Variants in ST8SIA2 observed in about 807,000 individuals in gnomAD.
ST8SIA2 encodes ST8 alpha-N-acetyl-neuraminide alpha-2,8-sialyltransferase 2.
Under a neutral mutation model 37.6 loss-of-function variants are expected in ST8SIA2, and 22 were observed. The ratio of observed to expected loss-of-function variants is 0.58; its 90% CI spans 0.42 to 0.83. The LOEUF (loss-of-function observed/expected upper bound fraction) is 0.83, where lower values mean the gene tolerates loss of function less well. Ranked by LOEUF, ST8SIA2 falls within the 40% of genes least tolerant of loss-of-function variation. ST8SIA2 has a pLI of 0.00. For synonymous variants in ST8SIA2, 205 were observed against 201.2 expected (o/e 1.02, Z -0.16); for missense variants, 382 against 484.7 (o/e 0.79, Z 1.99).
chr15:92,438,652 C>A, intron 4 of ST8SIA2, 42 bp downstream of exon 4: 1 of 1,549,424 alleles, frequency 6.5e-7, no homozygotes. Flanking sequence ...GAGCGGCGGG[C>A]AGGCTGTGTT....
intron 4 of ST8SIA2, among the ~76,000 whole-genome samples, chr15:92,439,958 G>T (rs1311689211): frequency 6.6e-6 from 1 of 152,000 alleles, no homozygotes; most frequent in African/African-American, 2.4e-5. Context: ...AGGCGGGGGG[G>T]TGGCTGTCTG....
chr15:92,423,551 C>T (rs1314263285), intron 1 of ST8SIA2, among the ~76,000 whole-genome samples: 14 of 152,246 alleles, frequency 9.2e-5, no homozygotes, highest in Non-Finnish European at 1.5e-5. Flanking sequence ...AAGAGCAAGG[C>T]ACCAGCAGGG....
At chr15:92,435,493 T>C (rs1596241627) in intron 3 of ST8SIA2, among the ~76,000 whole-genome samples, 1 of 151,850 alleles carries the variant, frequency 6.6e-6, no homozygotes, top group South Asian at 2.1e-4. Flanking sequence ...TTGATGACCA[T>C]CCCAGGCCAT....
chr15:92,448,669 C>T (rs1212989134), intron 5 of ST8SIA2, among the ~76,000 whole-genome samples: 1 of 152,160 alleles, frequency 6.6e-6, no homozygotes, highest in Non-Finnish European at 1.5e-5. Flanking sequence ...GCAGCTGCCA[C>T]CTGCCACTTG....
At chr15:92,448,181 C>T (rs536294604) in intron 5 of ST8SIA2, among the ~76,000 whole-genome samples, 1 of 152,284 alleles carries the variant, frequency 6.6e-6, no homozygotes, top group Non-Finnish European at 1.5e-5. Flanking sequence ...AGCTGCAGGA[C>T]CACCCCAGGA....
intron 5 of ST8SIA2, among the ~76,000 whole-genome samples, chr15:92,446,292 C>A (rs1472993478): frequency 6.6e-6 from 1 of 152,180 alleles, no homozygotes; most frequent in African/African-American, 2.4e-5. Context: ...AGCATAGTAG[C>A]CTTAGAGTGG....
At chr15:92,464,020 A>T (rs2049974259) in intron 5 of ST8SIA2, 80 bp from the exon 6 acceptor site, 18 of 1,502,488 alleles carry the variant, frequency 1.2e-5, no homozygotes, top group Non-Finnish European at 1.6e-5. Context: ...GCTGGGCAGG[A>T]TAAAATTTTT....
intron 1 of ST8SIA2, among the ~76,000 whole-genome samples, chr15:92,408,512 G>T (rs946868971): frequency 2.6e-5 from 4 of 152,200 alleles, no homozygotes; most frequent in Admixed American, 6.5e-5. Flanking sequence ...AGGGATGAAG[G>T]GGAGGGAGTA....
rs1287681608 is a variant in ST8SIA2, at chr15:92,394,053, C to A, written c.-12C>A. ...GCCGGCCCGCGTGGGTCCCGGCGGG[C>A]GCGAACCCACCATGCAGCTGCAGTT... On this transcript the variant is annotated 5_prime_UTR_variant, in exon 1 of 6. Coordinates refer to ENST00000268164, the MANE Select transcript of ST8SIA2 (RefSeq NM_006011.4). 1.3e-6 allele frequency: 2 copies of A among 1,546,332 alleles called. No homozygotes were observed. Among genetic ancestry groups the A allele is most frequent in the Non-Finnish European group, 1.7e-6 (2 of 1,144,342 alleles).
At chr15:92,400,945 C>T (rs373444057) in intron 1 of ST8SIA2, among the ~76,000 whole-genome samples, 4 of 152,302 alleles carry the variant, frequency 2.6e-5, no homozygotes, top group South Asian at 4.1e-4. Flanking sequence ...CGGGATGTGT[C>T]ATCTCAAAGA....
At chr15:92,452,744 G>A (rs914447785) in intron 5 of ST8SIA2, among the ~76,000 whole-genome samples, 4 of 152,132 alleles carry the variant, frequency 2.6e-5, no homozygotes, top group African/African-American at 4.8e-5. Flanking sequence ...GCAACTTGAC[G>A]GACAGTTTAG....
intron 5 of ST8SIA2, among the ~76,000 whole-genome samples, chr15:92,456,969 A>C (rs1247828236): frequency 6.6e-6 from 1 of 152,224 alleles, no homozygotes; most frequent in Non-Finnish European, 1.5e-5. Flanking sequence ...TCTAAGACGA[A>C]GTCCTCAGCT....
At chr15:92,453,480 T>G (rs2049897836) in intron 5 of ST8SIA2, among the ~76,000 whole-genome samples, 1 of 152,214 alleles carries the variant, frequency 6.6e-6, no homozygotes, top group Non-Finnish European at 1.5e-5. Context: ...TAGGTTCAAA[T>G]CATGTATACA....
intron 1 of ST8SIA2, among the ~76,000 whole-genome samples, chr15:92,412,072 A>G (rs1040409951): frequency 5.9e-5 from 9 of 152,152 alleles, no homozygotes; most frequent in African/African-American, 2.2e-4. Context: ...GTGGCATTTG[A>G]GAGATACCTC....
At chr15:92,411,331 G>A (rs375079949) in intron 1 of ST8SIA2, among the ~76,000 whole-genome samples, 22 of 152,208 alleles carry the variant, frequency 1.4e-4, no homozygotes, top group African/African-American at 4.8e-4. Flanking sequence ...GCAGGTGCCG[G>A]GAAGACCACC....
rs575415315 is a variant in ST8SIA2, at chr15:92,438,240, G to A, written c.291-113G>A. The A allele has an allele frequency of 5.5e-5, 81 of 1,467,082 alleles. 1 individual carries two copies. Among genetic ancestry groups the A allele is most frequent in the Middle Eastern group, 5.2e-4 (3 of 5,800 alleles). The allele number at this position is 1,467,082 out of a possible 1,614,324, so 90.9% of individuals were successfully genotyped here. ...CATCTGAACTCTCATCATACTCTGCGTGTTTGCTGGGCTGCAGCCACCGTG... is the reference window on the plus strand; with the variant it reads ...CATCTGAACTCTCATCATACTCTGCATGTTTGCTGGGCTGCAGCCACCGTG... On this transcript the variant is annotated intron_variant, in intron 3 of 5. Coordinates refer to ENST00000268164, the MANE Select transcript of ST8SIA2 (RefSeq NM_006011.4).
intron 4 of ST8SIA2, 36 bp downstream of exon 4, chr15:92,438,646 G>A (rs753054559): frequency 3.8e-5 from 60 of 1,558,862 alleles, no homozygotes; most frequent in South Asian, 1.1e-4. Context: ...GGGCCAGAGC[G>A]GCGGGCAGGC....
In ST8SIA2 at chr15:92,464,427, A is replaced by C; in HGVS notation, c.*42A>C. The C allele has an allele frequency of 6.2e-7, 1 of 1,610,186 alleles. No individual in the cohort carries two copies. Among genetic ancestry groups the C allele is most frequent in the South Asian group, 1.1e-5 (1 of 90,962 alleles). ...GACTCAGTGGCTCACATTTCCTGCCAGCTACACCACAGGCAGATGGGAGTC... is the reference window on the plus strand; with the variant it reads ...GACTCAGTGGCTCACATTTCCTGCCCGCTACACCACAGGCAGATGGGAGTC... On this transcript the variant is annotated 3_prime_UTR_variant, in exon 6 of 6. Coordinates refer to ENST00000268164, the MANE Select transcript of ST8SIA2 (RefSeq NM_006011.4).
At chr15:92,448,232 GAGA>G (rs1000839171) in intron 5 of ST8SIA2, among the ~76,000 whole-genome samples, 1 of 152,226 alleles carries the variant, frequency 6.6e-6, no homozygotes, top group East Asian at 1.9e-4. Context: ...TTAGCAGGGG[GAGA>G]AGAAGGGGAA....
Sources: allele counts gnomAD v4.1 joint callset (sites outside exome capture counted in the v4.1 genomes callset), GRCh38; gene constraint gnomAD v4.1.1; transcripts MANE v1.5; gene names NCBI Gene and HGNC (gene_info 2026-07-23, HGNC 2026-07-21).